AGAP1: variants seen among roughly 807,000 people sequenced by gnomAD.
AGAP1 encodes arf-GAP with GTPase, ANK repeat and PH domain-containing protein 1.
Under a neutral mutation model 105.3 loss-of-function variants are expected in AGAP1, and 29 were observed. That is an observed-to-expected ratio of 0.28 (90% CI 0.21 to 0.38). The LOEUF (loss-of-function observed/expected upper bound fraction) is 0.38. Ranked by LOEUF, AGAP1 falls within the 10% of genes least tolerant of loss-of-function variation. The pLI is 1.00. For missense variants in AGAP1, 998 were observed against 1,165.1 expected (o/e 0.86, Z 2.09); for synonymous variants, 509 against 485.9 (o/e 1.05, Z -0.63).
chr2:235,954,343 G>T (rs1338709340), intron 12 of AGAP1, among the ~76,000 whole-genome samples: 69 of 152,004 alleles, frequency 4.5e-4, no homozygotes, highest in Admixed American at 4.3e-3. Flanking sequence ...GTGTCCAAGG[G>T]AGCTGGGAAG....
chr2:236,085,506 C>T (rs886191704), intron 16 of AGAP1, among the ~76,000 whole-genome samples: 1 of 152,206 alleles, frequency 6.6e-6, no homozygotes, highest in Non-Finnish European at 1.5e-5. Context: ...CCATTTGTCC[C>T]CAGTTTCCCC....
chr2:235,771,644 G>A (rs1955458719), intron 6 of AGAP1, among the ~76,000 whole-genome samples: 1 of 152,184 alleles, frequency 6.6e-6, no homozygotes, highest in Non-Finnish European at 1.5e-5. Flanking sequence ...GAAGCGAGGA[G>A]AGGCTGTGTG....
In AGAP1 at chr2:236,049,093, C is replaced by T. The variant is rs2057817375; in HGVS notation, c.1926C>T (p.Leu642=). Residue 642 remains leucine, a synonymous_variant, in exon 16 of 18, where the codon CTC becomes CTT. Coordinates refer to ENST00000304032, the MANE Select transcript of AGAP1 (RefSeq NM_001037131.3). ...PNWASLNLGA[L]MCIECSGIHR... The stretch of plus-strand genomic sequence containing the variant: ...GGGCCAGTTTGAACTTGGGAGCCCT[C>T]ATGTGCATCGAATGCTCAGGGATCC... The T allele has an allele frequency of 6.2e-7, 1 of 1,614,226 alleles. No individual in the cohort carries two copies. The highest frequency in any genetic ancestry group is 1.1e-5 in the South Asian group (1 of 91,078).
rs894606541 is a variant in AGAP1 at position 235,566,999 on chromosome 2, G to C, written c.163+72150G>C. Among the ~76,000 whole-genome samples, 1 of 152,158 alleles carries C rather than the reference G, an allele frequency of 6.6e-6. No individual in the cohort carries two copies. Among genetic ancestry groups the C allele is most frequent in the South Asian group, 2.1e-4 (1 of 4,820 alleles). On this transcript the variant is annotated intron_variant, in intron 1 of 17. Transcript: ENST00000304032. The surrounding 1 kb of genome is among the most constrained non-coding windows in gnomAD (Gnocchi z 5.2). ...CTGCATCACTCCAGTCTCTGCTTCT[G>C]TTATCACGTGCCCTCTTCCCGGCAT...
intron 9 of AGAP1, among the ~76,000 whole-genome samples, chr2:235,826,352 T>C (rs528585201): frequency 2.0e-5 from 3 of 152,342 alleles, no homozygotes; most frequent in South Asian, 4.1e-4. Context: ...TAAGGAAAGG[T>C]AACCATCAGC....
At chr2:235,745,196 C>G (rs59641298) in intron 5 of AGAP1, among the ~76,000 whole-genome samples, 2 of 152,124 alleles carry the variant, frequency 1.3e-5, no homozygotes, top group Non-Finnish European at 2.9e-5. Context: ...ATTCTCTGTT[C>G]TATAAAATGA....
chr2:235,494,895 G>T, intron 1 of AGAP1, 46 bp downstream of exon 1: 2 of 1,514,162 alleles, frequency 1.3e-6, no homozygotes, highest in South Asian at 1.2e-5. Flanking sequence ...ACGGACGCCC[G>T]CGGCGCGGCG....
intron 9 of AGAP1, among the ~76,000 whole-genome samples, chr2:235,863,488 C>T (rs947140297): frequency 2.0e-5 from 3 of 152,198 alleles, no homozygotes; most frequent in Non-Finnish European, 4.4e-5. Flanking sequence ...ACTGGCCTCC[C>T]GTCGAGTCCT....
rs1227421270 is a variant in AGAP1 at position 236,053,568 on chromosome 2, A to C, written c.2114+4287A>C. Among the ~76,000 whole-genome samples the C allele has an allele frequency of 6.6e-6, 1 of 152,286 alleles. No homozygotes were observed. The highest frequency in any genetic ancestry group is 2.4e-5 in the African/African-American group (1 of 41,482). Reference sequence around the variant, plus strand: ...AAGTGATTTCCTAGCAGGACGGAGCAGAGCCCTCTGGCGCCACATTCCTCT... The same window carrying C: ...AAGTGATTTCCTAGCAGGACGGAGCCGAGCCCTCTGGCGCCACATTCCTCT... On this transcript the variant is annotated intron_variant, in intron 16 of 17. Coordinates refer to ENST00000304032, the MANE Select transcript of AGAP1 (RefSeq NM_001037131.3). The surrounding 1 kb of genome is among the most constrained non-coding windows in gnomAD (Gnocchi z 4.6).
intron 1 of AGAP1, among the ~76,000 whole-genome samples, chr2:235,617,140 G>A (rs74560766): frequency 0.016 from 2,480 of 152,138 alleles, 63 homozygotes; most frequent in African/African-American, 0.055. Context: ...AGAATTAATC[G>A]TAATGTAGGG....
Position 235,621,674 on chromosome 2 carries a change from G to T in AGAP1, c.164-87505G>T, listed in dbSNP as rs1208063694. On this transcript the variant is annotated intron_variant, in intron 1 of 17. Coordinates refer to ENST00000304032, the MANE Select transcript of AGAP1 (RefSeq NM_001037131.3). This position sits in a 1 kb window ranked among gnomAD's most constrained non-coding sequence, Gnocchi z 4.1. The stretch of plus-strand genomic sequence containing the variant: ...CCAACACAAGGGTTGGTCATTCCCT[G>T]TGCCCATTGTTCATGCATTGGAACT... 6.6e-6 allele frequency among the ~76,000 whole-genome samples: 1 copy of T among 152,224 alleles called. No homozygotes were observed. Among genetic ancestry groups the T allele is most frequent in the Non-Finnish European group, 1.5e-5 (1 of 68,046 alleles).
At chr2:235,995,788 G>A (rs748729044) in intron 13 of AGAP1, among the ~76,000 whole-genome samples, 25 of 152,200 alleles carry the variant, frequency 1.6e-4, no homozygotes, top group Non-Finnish European at 3.4e-4. Flanking sequence ...TGTGGCCTGA[G>A]TGTGGTGATG....
chr2:235,637,799 G>C (rs1217206355), intron 1 of AGAP1, among the ~76,000 whole-genome samples: 1 of 152,186 alleles, frequency 6.6e-6, no homozygotes, highest in African/African-American at 2.4e-5. Context: ...CTCATGATCT[G>C]TCTGCACACT....
intron 1 of AGAP1, among the ~76,000 whole-genome samples, chr2:235,644,794 C>T (rs745976729): frequency 5.3e-5 from 8 of 152,064 alleles, no homozygotes; most frequent in Non-Finnish European, 1.2e-4. Flanking sequence ...GATGTGTTGA[C>T]GCTATAGCAA....
In AGAP1 at chr2:235,766,733, T is replaced by C. The variant is rs138065270; in HGVS notation, c.673+16245T>C. Among the ~76,000 whole-genome samples, 297 of 152,294 alleles carry C rather than the reference T, an allele frequency of 2.0e-3. 2 individuals carry two copies. Among genetic ancestry groups the C allele is most frequent in the East Asian group, 0.015 (78 of 5,170 alleles). On this transcript the variant is annotated intron_variant, in intron 6 of 17. Coordinates refer to ENST00000304032, the MANE Select transcript of AGAP1 (RefSeq NM_001037131.3). ...GAATCAAAGAAAAGTTGGCCAAAGA[T>C]ACAAAGTTTTTCTTTTGTATTTTTT...
intron 13 of AGAP1, among the ~76,000 whole-genome samples, chr2:235,999,796 G>A (rs1203527974): frequency 6.7e-6 from 1 of 150,038 alleles, no homozygotes; most frequent in Non-Finnish European, 1.5e-5. Flanking sequence ...TGAGGAACCT[G>A]TATCTTGATG....
At chr2:235,955,602 T>A (rs1166010875) in intron 12 of AGAP1, among the ~76,000 whole-genome samples, 1 of 152,198 alleles carries the variant, frequency 6.6e-6, no homozygotes, top group Non-Finnish European at 1.5e-5. Context: ...TTTATGATGT[T>A]AAAGAAGAAA....
rs2058012940 is a variant in AGAP1, at chr2:236,055,007, T to C, written c.2114+5726T>C. ...TTCATTTTGCAACTGGCTGATTTAA[T>C]GATCCAAAGGGTAATTAATGGCCTG... On this transcript the variant is annotated intron_variant, in intron 16 of 17. Coordinates refer to ENST00000304032, the MANE Select transcript of AGAP1 (RefSeq NM_001037131.3). The surrounding 1 kb of genome is among the most constrained non-coding windows in gnomAD (Gnocchi z 6.2). Among the ~76,000 whole-genome samples the C allele has an allele frequency of 2.0e-5, 3 of 152,238 alleles. No individual in the cohort carries two copies. Among genetic ancestry groups the C allele is most frequent in the South Asian group, 4.1e-4 (2 of 4,832 alleles).
At chr2:235,672,997 C>T (rs962587521) in intron 1 of AGAP1, among the ~76,000 whole-genome samples, 1 of 152,184 alleles carries the variant, frequency 6.6e-6, no homozygotes, top group African/African-American at 2.4e-5. Flanking sequence ...TATAGAAAAA[C>T]GGAAATTTAA....
Sources: allele counts gnomAD v4.1 joint callset (sites outside exome capture counted in the v4.1 genomes callset), GRCh38; gene constraint gnomAD v4.1.1; non-coding constraint Gnocchi (gnomAD v3.1); transcripts MANE v1.5; gene names NCBI Gene and HGNC (gene_info 2026-07-23, HGNC 2026-07-21).